MLLT3: variants seen among roughly 807,000 people sequenced by gnomAD.
MLLT3 encodes MLLT3 super elongation complex subunit, also known as protein AF-9.
In MLLT3, 4 loss-of-function variants were observed where a neutral mutation model predicts 53.2. The observed-to-expected ratio is 0.08, with a 90% CI of 0.04 to 0.17. The LOEUF (loss-of-function observed/expected upper bound fraction) is 0.17. MLLT3 is among the 10% of genes least tolerant of loss of function. MLLT3 has a pLI of 1.00. For missense variants in MLLT3, 569 were observed against 684.0 expected (o/e 0.83, Z 1.87); for synonymous variants, 283 against 230.6 (o/e 1.23, Z -2.06).
At chr9:20,477,344 A>C (rs1824548988) in intron 2 of MLLT3, among the ~76,000 whole-genome samples, 1 of 152,168 alleles carries the variant, frequency 6.6e-6, no homozygotes, top group African/African-American at 2.4e-5. Context: ...TGTTTTTTAA[A>C]GTAGTATTTT....
chr9:20,375,769 C>T lies in MLLT3; in HGVS notation c.1126-10025G>A, dbSNP rs570816613. Reference sequence around the variant, plus strand: ...GACCACAGGCACCTGCCACCACGCCCGGCTAGGTTTTTGTATTTTTAGTAG... The same window carrying T: ...GACCACAGGCACCTGCCACCACGCCTGGCTAGGTTTTTGTATTTTTAGTAG... On this transcript the variant is annotated intron_variant, in intron 5 of 10. Coordinates refer to ENST00000380338, the MANE Select transcript of MLLT3 (RefSeq NM_004529.4). 1.3e-3 allele frequency among the ~76,000 whole-genome samples: 196 copies of T among 151,994 alleles called. 1 individual carries two copies. Among genetic ancestry groups the T allele is most frequent in the African/African-American group, 4.6e-3 (192 of 41,464 alleles).
intron 2 of MLLT3, among the ~76,000 whole-genome samples, chr9:20,615,986 T>C (rs1367693248): frequency 6.6e-6 from 1 of 152,074 alleles, no homozygotes; most frequent in Non-Finnish European, 1.5e-5. Context: ...ATATAATAGG[T>C]TACTACCTTT....
At chr9:20,525,126 T>TA (rs757232208) in intron 2 of MLLT3, among the ~76,000 whole-genome samples, 5,016 of 56,076 alleles carry the variant, frequency 0.089, 344 homozygotes, top group African/African-American at 0.22. Context: ...GAAGAAAGAC[T>TA]AAAAAAAAAA....
chr9:20,509,836 A>G (rs1329247967), intron 2 of MLLT3, among the ~76,000 whole-genome samples: 1 of 151,894 alleles, frequency 6.6e-6, no homozygotes, highest in Non-Finnish European at 1.5e-5. Context: ...AGAACTGTCA[A>G]TCAGAGCACA....
At chr9:20,605,739 G>A (rs951584636) in intron 2 of MLLT3, among the ~76,000 whole-genome samples, 10 of 151,950 alleles carry the variant, frequency 6.6e-5, no homozygotes, top group Non-Finnish European at 1.3e-4. Flanking sequence ...TATACTATAT[G>A]CCATAGGTAA....
At chr9:20,571,684 T>C (rs1391094315) in intron 2 of MLLT3, among the ~76,000 whole-genome samples, 1 of 152,042 alleles carries the variant, frequency 6.6e-6, no homozygotes, top group Non-Finnish European at 1.5e-5. Flanking sequence ...AGTGAGAACA[T>C]GCAGAAAACA....
chr9:20,420,882 T>C (rs977293402), intron 4 of MLLT3, among the ~76,000 whole-genome samples: 2 of 152,168 alleles, frequency 1.3e-5, no homozygotes, highest in Admixed American at 6.5e-5. Context: ...AGAACACTGA[T>C]AAAAATCAAT....
At chr9:20,486,549 G>A (rs1245681321) in intron 2 of MLLT3, among the ~76,000 whole-genome samples, 4 of 152,072 alleles carry the variant, frequency 2.6e-5, no homozygotes, top group East Asian at 1.9e-4. Flanking sequence ...CCAGAAAAAA[G>A]CAGCTAGTAA....
In MLLT3 at chr9:20,461,127, G is replaced by C. The variant is rs971006574; in HGVS notation, c.194-4341C>G. 2.0e-5 allele frequency among the ~76,000 whole-genome samples: 3 copies of C among 152,114 alleles called. No individual in the cohort carries two copies. The East Asian group carries it at 5.8e-4, about 29-fold the overall frequency. On this transcript the variant is annotated intron_variant, in intron 2 of 10. Transcript: ENST00000380338. ...CTAATTAATCCCATGTACCATGTAA[G>C]GTCTATTAGGATACTATAATGAAAA...
intron 2 of MLLT3, among the ~76,000 whole-genome samples, chr9:20,525,734 T>C (rs761546249): frequency 1.3e-5 from 2 of 152,232 alleles, no homozygotes; most frequent in African/African-American, 4.8e-5. Context: ...TACAACCTTG[T>C]TGCTGTAAGA....
At chr9:20,428,064 C>T (rs1362264562) in intron 4 of MLLT3, among the ~76,000 whole-genome samples, 1 of 151,966 alleles carries the variant, frequency 6.6e-6, no homozygotes, top group South Asian at 2.1e-4. Context: ...ATTTCCACCA[C>T]ACAAATAAGT....
intron 2 of MLLT3, among the ~76,000 whole-genome samples, chr9:20,481,275 T>C (rs534545505): frequency 9.9e-4 from 151 of 152,262 alleles, no homozygotes; most frequent in African/African-American, 3.6e-3. Flanking sequence ...TTATTTAATC[T>C]CCCATTAAGA....
At chr9:20,604,113 C>G (rs997866357) in intron 2 of MLLT3, among the ~76,000 whole-genome samples, 2 of 152,142 alleles carry the variant, frequency 1.3e-5, no homozygotes, top group African/African-American at 4.8e-5. Flanking sequence ...CCTCTTAAGA[C>G]TTAACAATAA....
chr9:20,509,612 T>A (rs749122221), intron 2 of MLLT3, among the ~76,000 whole-genome samples: 5 of 152,208 alleles, frequency 3.3e-5, no homozygotes, highest in African/African-American at 7.2e-5. Context: ...AAATACTGTA[T>A]GATACCATGT....
chr9:20,473,218 G>A (rs1824438271), intron 2 of MLLT3, among the ~76,000 whole-genome samples: 1 of 151,914 alleles, frequency 6.6e-6, no homozygotes, highest in Non-Finnish European at 1.5e-5. Flanking sequence ...TTTTCTTATT[G>A]CTTCAGTTAC....
At chr9:20,600,125 CAAAA>C (rs753042376) in intron 2 of MLLT3, among the ~76,000 whole-genome samples, 4,088 of 88,840 alleles carry the variant, frequency 0.046, 102 homozygotes, top group Non-Finnish European at 0.067. Flanking sequence ...CAATGTTGTC[CAAAA>C]AAAAAAAACA....
At chr9:20,531,364 G>A (rs975769029) in intron 2 of MLLT3, among the ~76,000 whole-genome samples, 16 of 151,202 alleles carry the variant, frequency 1.1e-4, no homozygotes, top group Admixed American at 3.3e-4. Context: ...TCAAACTCCT[G>A]ACCTCAGGCC....
rs1176274864 is a variant in MLLT3 at position 20,620,293 on chromosome 9, A to ACACG, written c.193+360_193+361insCGTG. Reference sequence around the variant, plus strand: ...CACACACACACACACACACACACACACGCGCAAAGTGTTTATTCCCTCCAG... The same window carrying ACACG: ...CACACACACACACACACACACACACACACGCGCGCAAAGTGTTTATTCCCTCCAG... On this transcript the variant is annotated intron_variant, in intron 2 of 10. Coordinates refer to ENST00000380338, the MANE Select transcript of MLLT3 (RefSeq NM_004529.4). This position sits in a 1 kb window ranked among gnomAD's most constrained non-coding sequence, Gnocchi z 6.1. 4.1e-3 allele frequency among the ~76,000 whole-genome samples: 599 copies of ACACG among 146,024 alleles called. 8 individuals are homozygous for ACACG. The highest frequency in any genetic ancestry group is 0.014 in the African/African-American group (575 of 39,884).
intron 10 of MLLT3, among the ~76,000 whole-genome samples, chr9:20,352,723 A>G (rs1319537637): frequency 6.6e-6 from 1 of 151,808 alleles, no homozygotes; most frequent in African/African-American, 2.4e-5. Context: ...AAAAAAAAAA[A>G]AAAACCCACA....
Sources: gnomAD v4.1 joint callset for allele counts (sites outside exome capture counted in the v4.1 genomes callset) on GRCh38, gnomAD v4.1.1 for gene constraint, Gnocchi (gnomAD v3.1) non-coding constraint, MANE v1.5 for transcripts, NCBI Gene and HGNC (gene_info 2026-07-23, HGNC 2026-07-21) for gene names.